The following FAM72D variants were observed in gnomAD, a reference collection of about 807,000 sequenced individuals.
FAM72D encodes RUMY family member 4.
For synonymous variants in FAM72D, 4 were observed against 35.1 expected (o/e 0.11, Z 3.13); for missense variants, 9 against 104.7 (o/e 0.09, Z 3.99).
chr1:145,100,758 C>T (rs1396413072), intron 2 of FAM72D, among the ~76,000 whole-genome samples: 21 of 150,366 alleles, frequency 1.4e-4, no homozygotes, highest in African/African-American at 5.0e-4. Flanking sequence ...TCCCTAAGTG[C>T]TAGGATTACA....
chr1:145,112,352 T>A lies in FAM72D; in HGVS notation c.*755T>A, dbSNP rs1238377788. The A allele has an allele frequency of 1.3e-5, 2 of 151,574 alleles. No homozygotes were observed. The highest frequency in any genetic ancestry group is 4.9e-5 in the African/African-American group (2 of 41,160). The allele number at this position is 151,574 out of a possible 1,614,324, so 9.4% of individuals were successfully genotyped here. A position where few individuals can be genotyped will look rare whatever the true frequency, so the allele number is the denominator to read the frequency against. On this transcript the variant is annotated 3_prime_UTR_variant, in exon 4 of 4. Coordinates refer to ENST00000400889, the MANE Select transcript of FAM72D (RefSeq NM_207418.3). Reference sequence around the variant, plus strand: ...TTTTAGACGAGTGGTCTGTCCTAAATCTTAAATAGAAAAAAAAACTAAAGC... The same window carrying A: ...TTTTAGACGAGTGGTCTGTCCTAAAACTTAAATAGAAAAAAAAACTAAAGC...
chr1:145,105,686 C>T (rs587649471), intron 3 of FAM72D, among the ~76,000 whole-genome samples: 2 of 150,102 alleles, frequency 1.3e-5, no homozygotes, highest in South Asian at 4.2e-4. Context: ...GGCGCGGTGG[C>T]TCACGCCTGT....
At chr1:145,100,523 G>A in intron 2 of FAM72D, among the ~76,000 whole-genome samples, 1 of 117,846 alleles carries the variant, frequency 8.5e-6, no homozygotes, top group Non-Finnish European at 1.7e-5. Context: ...ACGGAGTTTT[G>A]CTCTGTCGCC....
chr1:145,100,686 T>C (rs1654663218), intron 2 of FAM72D, among the ~76,000 whole-genome samples: 1 of 146,498 alleles, frequency 6.8e-6, no homozygotes, highest in South Asian at 2.2e-4. Flanking sequence ...GAGACAGGGT[T>C]TCACCGTGTT....
intron 2 of FAM72D, among the ~76,000 whole-genome samples, chr1:145,100,851 G>T (rs1331482343): frequency 6.7e-6 from 1 of 150,048 alleles, no homozygotes; most frequent in Non-Finnish European, 1.5e-5. Context: ...AGCCAGGCTG[G>T]TCTCAAACTC....
chr1:145,103,155 T>G, intron 3 of FAM72D, 24 bp downstream of exon 3: 1 of 695,190 alleles, frequency 1.4e-6, no homozygotes, highest in Non-Finnish European at 2.3e-6. Flanking sequence ...GACTTGGACA[T>G]TCCTGTAACA....
chr1:145,098,499 GT>G (rs1275086249), intron 1 of FAM72D, among the ~76,000 whole-genome samples: 14 of 138,722 alleles, frequency 1.0e-4, no homozygotes, highest in African/African-American at 3.4e-4. Context: ...AGATGTTTAT[GT>G]TGAGCTCACA....
intron 2 of FAM72D, among the ~76,000 whole-genome samples, chr1:145,100,965 G>A (rs1477076706): frequency 2.0e-5 from 3 of 149,034 alleles, no homozygotes; most frequent in Non-Finnish European, 3.0e-5. Flanking sequence ...GTTTTGAGAC[G>A]GAGTCTTGCT....
chr1:145,100,856 A>T (rs1388150315), intron 2 of FAM72D, among the ~76,000 whole-genome samples: 5 of 148,798 alleles, frequency 3.4e-5, no homozygotes, highest in Non-Finnish European at 7.4e-5. Flanking sequence ...GGCTGGTCTC[A>T]AACTCCTGAC....
intron 3 of FAM72D, among the ~76,000 whole-genome samples, chr1:145,107,296 T>A (rs1654968435): frequency 7.5e-6 from 1 of 134,116 alleles, no homozygotes. Context: ...CCCAGGCTGA[T>A]GTGCAATGGT....
At chr1:145,105,893 G>C (rs1308600838) in intron 3 of FAM72D, among the ~76,000 whole-genome samples, 1 of 143,742 alleles carries the variant, frequency 7.0e-6, no homozygotes, top group South Asian at 2.2e-4. Context: ...CGGAGGTTGC[G>C]GTGAGCCAAG....
At position 145,101,998 on chromosome 1, in the gene FAM72D, A is replaced by AT. The variant is rs587695835; in HGVS notation, c.231-1001dup. Reference sequence around the variant, plus strand: ...CAAGGTATAAACAGTTCATGTTGCTATTTTTTTTAAAGTACTAGCTAAAAC... The same window carrying AT: ...CAAGGTATAAACAGTTCATGTTGCTATTTTTTTTTAAAGTACTAGCTAAAAC... On this transcript the variant is annotated intron_variant, in intron 2 of 3. Transcript: ENST00000400889. Among the ~76,000 whole-genome samples, 21 of 120,340 alleles carry AT rather than the reference A, an allele frequency of 1.7e-4. 2 individuals are homozygous for AT. The highest frequency in any genetic ancestry group is 6.2e-4 in the East Asian group (3 of 4,864). 78.9% of individuals were successfully genotyped at this position (120,340 alleles called of 152,430 possible). A position where few individuals can be genotyped will look rare whatever the true frequency, so the allele number is the denominator to read the frequency against.
intron 2 of FAM72D, among the ~76,000 whole-genome samples, chr1:145,101,293 A>AT (rs1179989800): frequency 7.5e-6 from 1 of 132,566 alleles, no homozygotes; most frequent in Non-Finnish European, 1.6e-5. Flanking sequence ...TTAATCATAT[A>AT]TTTTGTCTAA....
At chr1:145,105,552 C>A (rs1654877635) in intron 3 of FAM72D, among the ~76,000 whole-genome samples, 1 of 139,786 alleles carries the variant, frequency 7.2e-6, no homozygotes. Context: ...ACATGCCCAG[C>A]TACTTGGGGG....
rs587609979 is a variant in FAM72D at position 145,112,275 on chromosome 1, T to A, written c.*678T>A. On this transcript the variant is annotated 3_prime_UTR_variant, in exon 4 of 4. Coordinates refer to ENST00000400889, the MANE Select transcript of FAM72D (RefSeq NM_207418.3). The stretch of plus-strand genomic sequence containing the variant: ...ATTATGGATATTGTATTATGAGAGC[T>A]AAACCTAAATAAGTTATCCTGTTCC... The A allele has an allele frequency of 2.0e-5, 3 of 150,174 alleles. No homozygotes were observed. The East Asian group carries it at 5.9e-4, about 30-fold the overall frequency. The allele number at this position is 150,174 out of a possible 1,614,324, so 9.3% of individuals were successfully genotyped here.
intron 2 of FAM72D, among the ~76,000 whole-genome samples, chr1:145,102,677 G>A (rs1407516279): frequency 1.1e-5 from 1 of 88,432 alleles, no homozygotes; most frequent in East Asian, 2.9e-4. Flanking sequence ...TGAGGCAGGA[G>A]AATCACTTGA....
chr1:145,100,999 TG>T (rs1280238370), intron 2 of FAM72D, among the ~76,000 whole-genome samples: 1 of 150,580 alleles, frequency 6.6e-6, no homozygotes, highest in Non-Finnish European at 1.5e-5. Flanking sequence ...TGGAGTGCAA[TG>T]GCATCATCTT....
At chr1:145,095,025 G>A, upstream of FAM72D, 1 of 1,534,586 alleles carries the variant, frequency 6.5e-7, no homozygotes, top group Non-Finnish European at 8.8e-7. Flanking sequence ...TCGCAGTCCT[G>A]AGAAGTATTA....
intron 2 of FAM72D, among the ~76,000 whole-genome samples, chr1:145,102,746 T>TTAA (rs1654768098): frequency 2.0e-4 from 20 of 102,334 alleles, no homozygotes; most frequent in Admixed American, 7.5e-4. Flanking sequence ...AAACTCGGTC[T>TTAA]CAATAATAAT....
Sources: gnomAD v4.1 joint callset for allele counts (sites outside exome capture counted in the v4.1 genomes callset) on GRCh38, gnomAD v4.1.1 for gene constraint, MANE v1.5 for transcripts, NCBI Gene and HGNC (gene_info 2026-07-23, HGNC 2026-07-21) for gene names.